PCDHGB4: variants seen among roughly 807,000 people sequenced by gnomAD.
The protein encoded by PCDHGB4 is protocadherin gamma-B4.
In PCDHGB4, 38 loss-of-function variants were observed where a neutral mutation model predicts 60.5. The ratio of observed to expected loss-of-function variants is 0.63; its 90% CI spans 0.48 to 0.82. The LOEUF (loss-of-function observed/expected upper bound fraction) is 0.82. Among genes scored for constraint, PCDHGB4 ranks in the 40% least tolerant of loss-of-function variants. The pLI is 0.00. For missense variants in PCDHGB4, 1,109 were observed against 1,209.6 expected, an observed-to-expected ratio of 0.92 and a Z score of 1.23; for synonymous variants, 456 against 509.7, an observed-to-expected ratio of 0.89 and a Z score of 1.42.
chr5:141,404,466 TCTCTATTAA>T, intron 1 of PCDHGB4: 5 of 1,613,558 alleles, frequency 3.1e-6, no homozygotes, highest in Non-Finnish European at 4.2e-6. Context: ...TCCACCTATG[TCTCTATTAA>T]CTCAGACACT....
intron 1 of PCDHGB4, chr5:141,427,790 C>A: frequency 1.3e-6 from 2 of 1,482,222 alleles, no homozygotes; most frequent in Non-Finnish European, 1.9e-6. Context: ...TGTCGTCCTA[C>A]GTGTCCGTGA....
intron 1 of PCDHGB4, chr5:141,420,142 G>T: frequency 4.3e-6 from 7 of 1,614,004 alleles, no homozygotes; most frequent in Non-Finnish European, 5.9e-6. Flanking sequence ...GGGATCAAAT[G>T]AATCCAGAAT....
At chr5:141,460,849 G>A (rs908955373) in intron 1 of PCDHGB4, among the ~76,000 whole-genome samples, 1 of 150,224 alleles carries the variant, frequency 6.7e-6, no homozygotes, top group Non-Finnish European at 1.5e-5. Flanking sequence ...CCTCCAGTTC[G>A]ATCCAAGTTG....
chr5:141,432,611 T>C lies in PCDHGB4; in HGVS notation c.2397+42330T>C, dbSNP rs141541670. On this transcript the variant is annotated intron_variant, in intron 1 of 3. Transcript: ENST00000519479. This position sits in a 1 kb window ranked among gnomAD's most constrained non-coding sequence, Gnocchi z 6.0. ...CAAGGCCAGCGAGCCGGGACTCTTC[T>C]CGGTGGGTCTGCACACGGGCGAGGT... The C allele has an allele frequency of 2.5e-6, 4 of 1,613,860 alleles. No homozygotes were observed. In the South Asian group the frequency reaches 4.4e-5, roughly 18 times the overall value.
intron 1 of PCDHGB4, chr5:141,411,163 C>T (rs1001422146): frequency 6.6e-6 from 1 of 152,132 alleles, no homozygotes; most frequent in African/African-American, 2.4e-5. Context: ...TTCTGACTAT[C>T]GAACAGAAGC....
rs138641753 is a variant in PCDHGB4, at chr5:141,430,814, C to T, written c.2397+40533C>T. On this transcript the variant is annotated intron_variant, in intron 1 of 3. Transcript: ENST00000519479. ...CAAAGGGCTTGTCCTGCTGGGAATC[C>T]TCCTGGGGACTCTGTGGGAGACCGG... is the stretch of plus-strand genomic sequence containing the variant. 97 of 1,534,514 alleles carry T rather than the reference C, an allele frequency of 6.3e-5. No homozygotes were observed. The African/African-American group carries it at 1.1e-3, about 17-fold the overall frequency.
chr5:141,451,322 T>C (rs1452969719), intron 1 of PCDHGB4, among the ~76,000 whole-genome samples: 1 of 152,236 alleles, frequency 6.6e-6, no homozygotes, highest in African/African-American at 2.4e-5. Flanking sequence ...AAGTGTCACC[T>C]AAGGCTATTG....
chr5:141,422,260 G>A, intron 1 of PCDHGB4: 1 of 1,564,392 alleles, frequency 6.4e-7, no homozygotes, highest in South Asian at 1.2e-5. Context: ...GAATGATAAC[G>A]CTCCAGAAAT....
chr5:141,484,805 A>G (rs1594417928), intron 1 of PCDHGB4, among the ~76,000 whole-genome samples: 1 of 151,896 alleles, frequency 6.6e-6, no homozygotes, highest in East Asian at 1.9e-4. Context: ...CCGTGGAAAA[A>G]CATGCCGTTG....
chr5:141,433,029 T>C (rs2097561523), intron 1 of PCDHGB4: 2 of 1,613,998 alleles, frequency 1.2e-6, no homozygotes, highest in African/African-American at 2.7e-5. Flanking sequence ...TCCCACGAGG[T>C]TTCCCTCACC....
At position 141,494,838 on chromosome 5, in the gene PCDHGB4, C is replaced by T; in HGVS notation, c.2429C>T (p.Ser810Phe). 4.3e-6 allele frequency: 7 copies of T among 1,614,166 alleles called. No homozygotes were observed. Among genetic ancestry groups the T allele is most frequent in the Non-Finnish European group, 3.4e-6 (4 of 1,180,032 alleles). Residue 810 changes from serine (S) to phenylalanine (F), a missense_variant, in exon 2 of 4, where the codon TCT becomes TTT. By Grantham distance (155) the Ser-to-Phe change is radical. Transcript: ENST00000519479. ...CCGCCCAACACGGACTGGCGTTTCT[C>T]TCAGGCCCAGAGACCCGGCACCAGC... ...QAPPNTDWRF[S>F]QAQRPGTSGS...
At chr5:141,421,119 C>A (rs542039688) in intron 1 of PCDHGB4, 2 of 772,768 alleles carry the variant, frequency 2.6e-6, no homozygotes, top group South Asian at 1.9e-5. Flanking sequence ...TATTTTCCTT[C>A]GCTTTCTGAT....
chr5:141,463,548 A>C (rs2099063677), intron 1 of PCDHGB4, among the ~76,000 whole-genome samples: 1 of 140,798 alleles, frequency 7.1e-6, no homozygotes, highest in Non-Finnish European at 1.5e-5. Context: ...TCCCGGGTTC[A>C]TGCCATTCTC....
chr5:141,423,561 C>G (rs959698297), intron 1 of PCDHGB4: 7 of 1,613,628 alleles, frequency 4.3e-6, no homozygotes, highest in Non-Finnish European at 5.9e-6. Flanking sequence ...ACTATGGGGA[C>G]ACGCTCATCA....
rs1445450316 is a variant in PCDHGB4, at chr5:141,491,210, C to T, written c.2398-3597C>T. On this transcript the variant is annotated intron_variant, in intron 1 of 3. Coordinates refer to ENST00000519479, the MANE Select transcript of PCDHGB4 (RefSeq NM_003736.4). The surrounding 1 kb of genome is among the most constrained non-coding windows in gnomAD (Gnocchi z 6.9). ...AGGGACAATGGTGACCCTTCACTCT[C>T]CTCCACAGCCACAGTGCTGCTGGTT... The T allele has an allele frequency of 3.7e-6, 6 of 1,614,228 alleles. No homozygotes were observed. Among genetic ancestry groups the T allele is most frequent in the Non-Finnish European group, 3.4e-6 (4 of 1,180,032 alleles).
At chr5:141,400,376 T>A in intron 1 of PCDHGB4, 1 of 1,614,070 alleles carries the variant, frequency 6.2e-7, no homozygotes, top group East Asian at 2.2e-5. Context: ...TCCTACAACC[T>A]ATGTGTTGCA....
At chr5:141,500,293 C>T (rs1380080572) in intron 2 of PCDHGB4, among the ~76,000 whole-genome samples, 3 of 151,870 alleles carry the variant, frequency 2.0e-5, no homozygotes, top group Non-Finnish European at 4.4e-5. Flanking sequence ...ACTGCAAGCT[C>T]CGCCTCCCAG....
In PCDHGB4 at chr5:141,388,625, C is replaced by T. The variant is rs1417837696; in HGVS notation, c.741C>T (p.Tyr247=). 1.2e-6 allele frequency: 2 copies of T among 1,613,794 alleles called. No homozygotes were observed. Among genetic ancestry groups the T allele is most frequent in the Non-Finnish European group, 1.7e-6 (2 of 1,179,882 alleles). Residue 247 remains tyrosine (Y), a synonymous_variant, in exon 1 of 4, where the codon TAC becomes TAT. Transcript: ENST00000519479. ...CTCCAGTGTTCAGTCAAGACGTATA[C>T]AGGGTGAGCCTTTCAGAAAACGTGT... is the stretch of plus-strand genomic sequence containing the variant. ...DNAPVFSQDV[Y]RVSLSENVYP...
intron 1 of PCDHGB4, among the ~76,000 whole-genome samples, chr5:141,483,725 C>T (rs903001715): frequency 1.3e-5 from 2 of 152,008 alleles, no homozygotes; most frequent in Non-Finnish European, 1.5e-5. Context: ...TGGTTCCCAC[C>T]ATAGTCAAAA....
Sources: allele counts gnomAD v4.1 joint callset (sites outside exome capture counted in the v4.1 genomes callset), GRCh38; gene constraint gnomAD v4.1.1; non-coding constraint Gnocchi (gnomAD v3.1); transcripts MANE v1.5; gene names NCBI Gene and HGNC (gene_info 2026-07-23, HGNC 2026-07-21).